CAST: variants seen among roughly 807,000 people sequenced by gnomAD.
The protein encoded by CAST is MIR583 host.
Under a neutral mutation model 119.6 loss-of-function variants are expected in CAST, and 76 were observed. The observed-to-expected ratio is 0.64, with a 90% CI of 0.53 to 0.77. CAST has a LOEUF of 0.77. CAST is among the 30% of genes least tolerant of loss of function. The probability of loss-of-function intolerance (pLI) is 0.00; values close to 1 mark genes in which losing one functional copy is unlikely to be tolerated. For missense variants in CAST, 953 were observed against 946.5 expected (o/e 1.01, Z -0.09); for synonymous variants, 319 against 331.6 (o/e 0.96, Z 0.41).
chr5:96,551,313 A>C (rs1034780011), intron 1 of CAST, among the ~76,000 whole-genome samples: 2 of 152,232 alleles, frequency 1.3e-5, no homozygotes, highest in East Asian at 1.9e-4. Context: ...TATCCAGCCA[A>C]ACTAAGCTTC....
chr5:96,118,836 C>A, the CAST span, among the ~76,000 whole-genome samples: 1 of 149,806 alleles, frequency 6.7e-6, no homozygotes, highest in East Asian at 2.0e-4. Flanking sequence ...TTTTTCTTAG[C>A]GTCAGTTACT....
the CAST span, among the ~76,000 whole-genome samples, chr5:96,231,660 CAAT>C: frequency 6.6e-6 from 1 of 151,740 alleles, no homozygotes; most frequent in African/African-American, 2.4e-5. Flanking sequence ...AATTATATCT[CAAT>C]AAAGCTGTTA....
At chr5:96,101,657 G>A in the CAST span, among the ~76,000 whole-genome samples, 107 of 152,176 alleles carry the variant, frequency 7.0e-4, 2 homozygotes, top group East Asian at 8.1e-3. Flanking sequence ...TTGACCCACC[G>A]CACAGACAAA....
the CAST span, among the ~76,000 whole-genome samples, chr5:96,353,936 A>C: frequency 1.3e-5 from 2 of 152,042 alleles, no homozygotes. Context: ...TTCCCTGGGG[A>C]ACCTTGACTA....
At chr5:96,691,281 A>G (rs73774389) in intron 2 of CAST, among the ~76,000 whole-genome samples, 2,615 of 152,292 alleles carry the variant, frequency 0.017, 78 homozygotes, top group African/African-American at 0.059. Context: ...TTATATCACA[A>G]TATCGCATAC....
At chr5:96,512,961 A>G in the CAST span, among the ~76,000 whole-genome samples, 1 of 152,178 alleles carries the variant, frequency 6.6e-6, no homozygotes. Flanking sequence ...TACCATCTTG[A>G]TATTTCTGTA....
chr5:96,399,501 T>C, the CAST span, among the ~76,000 whole-genome samples: 2 of 152,204 alleles, frequency 1.3e-5, no homozygotes, highest in South Asian at 2.1e-4. Flanking sequence ...TGATAAAGAA[T>C]CCCTCATGGA....
At chr5:95,966,093 G>A in the CAST span, among the ~76,000 whole-genome samples, 1 of 152,120 alleles carries the variant, frequency 6.6e-6, no homozygotes, top group African/African-American at 2.4e-5. Context: ...AGGCTCAAGA[G>A]TTTCTTTTTA....
At chr5:96,449,405 G>A in the CAST span, among the ~76,000 whole-genome samples, 1 of 152,160 alleles carries the variant, frequency 6.6e-6, no homozygotes, top group African/African-American at 2.4e-5. Context: ...ATGCTCTTAT[G>A]AGAATCTAAT....
At chr5:96,727,689 T>C (rs1302761324) in intron 6 of CAST, among the ~76,000 whole-genome samples, 159 bp downstream of exon 6, 2 of 152,148 alleles carry the variant, frequency 1.3e-5, no homozygotes, top group African/African-American at 4.8e-5. Context: ...ATGTAGAATA[T>C]ATAAAATATA....
chr5:96,423,252 C>G, the CAST span: 6 of 1,522,818 alleles, frequency 3.9e-6, no homozygotes, highest in Non-Finnish European at 5.4e-6. Context: ...AAGGAAAGCC[C>G]TAACTGTGTG....
the CAST span, among the ~76,000 whole-genome samples, chr5:96,095,556 C>CAA: frequency 1.3e-3 from 75 of 57,536 alleles, 6 homozygotes; most frequent in East Asian, 2.2e-3. Flanking sequence ...GACTCTGTTT[C>CAA]AAAAAAAAAA....
intron 1 of CAST, among the ~76,000 whole-genome samples, chr5:96,538,014 C>A (rs1407473614): frequency 1.3e-5 from 2 of 152,184 alleles, no homozygotes; most frequent in Non-Finnish European, 2.9e-5. Flanking sequence ...CTCCACCTCT[C>A]TAGTAGGCAG....
At chr5:96,324,812 A>T in the CAST span, among the ~76,000 whole-genome samples, 1 of 151,818 alleles carries the variant, frequency 6.6e-6, no homozygotes, top group African/African-American at 2.4e-5. Flanking sequence ...CTTTTTCCCC[A>T]GGTTCCACTT....
chr5:96,333,115 G>A, the CAST span, among the ~76,000 whole-genome samples: 1 of 151,526 alleles, frequency 6.6e-6, no homozygotes, highest in South Asian at 2.1e-4. Context: ...CATCAACGAA[G>A]TGCAAATTGT....
chr5:96,288,010 T>C, the CAST span, among the ~76,000 whole-genome samples: 3 of 152,160 alleles, frequency 2.0e-5, no homozygotes, highest in Admixed American at 2.0e-4. Context: ...AAATGAAACA[T>C]AAATATGCTA....
the CAST span, among the ~76,000 whole-genome samples, chr5:96,135,513 G>A: frequency 6.6e-6 from 1 of 152,134 alleles, no homozygotes; most frequent in African/African-American, 2.4e-5. Context: ...ACAATCTTAG[G>A]AGAATAATAT....
At chr5:96,569,528 C>T (rs975210011) in intron 1 of CAST, among the ~76,000 whole-genome samples, 1 of 152,210 alleles carries the variant, frequency 6.6e-6, no homozygotes, top group African/African-American at 2.4e-5. Context: ...CTTCCCTCAT[C>T]CCAAACATAC....
At chr5:96,607,967 A>G (rs1194135277) in intron 1 of CAST, among the ~76,000 whole-genome samples, 1 of 152,182 alleles carries the variant, frequency 6.6e-6, no homozygotes, top group Non-Finnish European at 1.5e-5. Context: ...GTGAGAGCAT[A>G]CAAAATCCTC....
Sources: gnomAD v4.1 joint callset for allele counts (sites outside exome capture counted in the v4.1 genomes callset) on GRCh38, gnomAD v4.1.1 for gene constraint, MANE v1.5 for transcripts, NCBI Gene and HGNC (gene_info 2026-07-23, HGNC 2026-07-21) for gene names.